Variants in PSEN1 observed in about 807,000 individuals in gnomAD.
PSEN1 encodes presenilin-1.
Under a neutral mutation model 53.5 loss-of-function variants are expected in PSEN1, and 15 were observed. The ratio of observed to expected loss-of-function variants is 0.28; its 90% CI spans 0.19 to 0.43. PSEN1 has a LOEUF of 0.43. Ranked by LOEUF, PSEN1 falls within the 20% of genes least tolerant of loss-of-function variation. PSEN1 has a pLI of 1.00. For synonymous variants in PSEN1, 208 were observed against 209.8 expected (o/e 0.99, Z 0.08); for missense variants, 387 against 571.2 (o/e 0.68, Z 3.29).
At chr14:73,160,995 A>G (rs963408717) in intron 3 of PSEN1, among the ~76,000 whole-genome samples, 15 of 142,574 alleles carry the variant, frequency 1.1e-4, no homozygotes, top group Admixed American at 2.8e-4. Context: ...TTTTCGATAC[A>G]AGGTTTTACT....
chr14:73,190,677 G>A (rs868830768), intron 6 of PSEN1, among the ~76,000 whole-genome samples: 29 of 152,024 alleles, frequency 1.9e-4, no homozygotes, highest in African/African-American at 6.5e-4. Context: ...CTTGAGCCTA[G>A]GAGTTCATAG....
chr14:73,219,282 A>G lies in PSEN1; in HGVS notation c.1397A>G (p.Tyr466Cys), dbSNP rs1566657960. 1.9e-6 allele frequency: 3 copies of G among 1,612,952 alleles called. No homozygotes were observed. The highest frequency in any genetic ancestry group is 1.7e-6 in the Non-Finnish European group (2 of 1,179,088). Residue 466 changes from tyrosine (Y) to cysteine (C), a missense_variant, in exon 12 of 12, where the codon TAT (tyrosine) becomes TGT (cysteine). Physicochemically the swap from Tyr to Cys is radical, Grantham distance 194. Transcript: ENST00000324501. ...GACCAATTAGCATTCCATCAATTTT[A>G]TATCTAGCATATTTGCGGTTAGAAT... Reference protein sequence around the residue: ...FMDQLAFHQFYI With the variant: ...FMDQLAFHQFCI
chr14:73,143,510 G>C (rs946457946), intron 1 of PSEN1, among the ~76,000 whole-genome samples: 2 of 152,080 alleles, frequency 1.3e-5, no homozygotes, highest in East Asian at 3.8e-4. Flanking sequence ...TTCCTCATGA[G>C]GTTTCTTTAA....
chr14:73,154,000 C>T (rs1376991618), intron 3 of PSEN1, among the ~76,000 whole-genome samples: 1 of 152,010 alleles, frequency 6.6e-6, no homozygotes, highest in African/African-American at 2.4e-5. Context: ...AGGCATGAAC[C>T]ACCGTGCCTG....
intron 11 of PSEN1, among the ~76,000 whole-genome samples, chr14:73,218,484 C>T (rs1429352224): frequency 3.3e-5 from 5 of 152,028 alleles, no homozygotes; most frequent in Admixed American, 6.6e-5. Flanking sequence ...CTAGTGTTTC[C>T]GTAACTAGGG....
At chr14:73,160,109 C>A in intron 3 of PSEN1, 2 of 201,014 alleles carry the variant, frequency 9.9e-6, no homozygotes, top group Admixed American at 5.2e-5. Context: ...TGGGTGTGAG[C>A]CATCATGCCC....
At position 73,182,853 on chromosome 14, in the gene PSEN1, A is replaced by G. The variant is rs558647571; in HGVS notation, c.481-4000A>G. On this transcript the variant is annotated intron_variant, in intron 5 of 11. Coordinates refer to ENST00000324501, the MANE Select transcript of PSEN1 (RefSeq NM_000021.4). ...GGCTTCATCTCCCAAAAATAAATAA[A>G]TAAAATTAAAAAAAGAAATAAATAA... Among the ~76,000 whole-genome samples the G allele has an allele frequency of 1.7e-3, 258 of 152,288 alleles. 2 individuals carry two copies. Among genetic ancestry groups the G allele is most frequent in the African/African-American group, 5.7e-3 (237 of 41,534 alleles).
chr14:73,141,508 A>G (rs1328674908), intron 1 of PSEN1, among the ~76,000 whole-genome samples: 1 of 152,232 alleles, frequency 6.6e-6, no homozygotes, highest in Non-Finnish European at 1.5e-5. Flanking sequence ...AATTTCAATT[A>G]TAGGCTGAGC....
chr14:73,139,049 C>T (rs1400983321), intron 1 of PSEN1, among the ~76,000 whole-genome samples: 2 of 151,962 alleles, frequency 1.3e-5, no homozygotes, highest in Non-Finnish European at 1.5e-5. Flanking sequence ...TTTGGGAGGC[C>T]GAGGCGGGTG....
intron 8 of PSEN1, among the ~76,000 whole-genome samples, chr14:73,204,417 A>G (rs926632632): frequency 6.6e-6 from 1 of 151,968 alleles, no homozygotes; most frequent in African/African-American, 2.4e-5. Flanking sequence ...CTATTTAACA[A>G]ATATACTATT....
At chr14:73,190,539 AG>A (rs1204210997) in intron 6 of PSEN1, among the ~76,000 whole-genome samples, 2 of 152,056 alleles carry the variant, frequency 1.3e-5, no homozygotes, top group Non-Finnish European at 2.9e-5. Flanking sequence ...CAAGTAGAAA[AG>A]TATATATATG....
chr14:73,202,701 T>C (rs1389350950), intron 8 of PSEN1, among the ~76,000 whole-genome samples: 1 of 151,200 alleles, frequency 6.6e-6, no homozygotes, highest in Non-Finnish European at 1.5e-5. Flanking sequence ...CTCGATCTCT[T>C]GACCTCGTAA....
intron 1 of PSEN1, among the ~76,000 whole-genome samples, chr14:73,144,883 A>G (rs1349140539): frequency 1.3e-5 from 2 of 152,024 alleles, no homozygotes; most frequent in African/African-American, 2.4e-5. Context: ...TTATTTATAT[A>G]CCATTTATTT....
intron 5 of PSEN1, among the ~76,000 whole-genome samples, chr14:73,176,427 G>A (rs1245773797): frequency 1.3e-5 from 2 of 152,120 alleles, no homozygotes; most frequent in African/African-American, 2.4e-5. Context: ...ATTGGAGGGT[G>A]GAATTCTACT....
intron 5 of PSEN1, chr14:73,173,915 T>A: frequency 1.5e-6 from 1 of 675,164 alleles, no homozygotes; most frequent in Non-Finnish European, 2.6e-6. Context: ...GCTCAGAGGC[T>A]GAGGCAGGAG....
At chr14:73,160,367 G>A (rs1897493511) in intron 3 of PSEN1, among the ~76,000 whole-genome samples, 1 of 152,218 alleles carries the variant, frequency 6.6e-6, no homozygotes, top group Non-Finnish European at 1.5e-5. Context: ...GCACATATCT[G>A]TTTGAGGTCT....
intron 1 of PSEN1, among the ~76,000 whole-genome samples, chr14:73,145,892 T>G (rs1897055820): frequency 6.6e-6 from 1 of 151,832 alleles, no homozygotes. Context: ...GGATCACTTG[T>G]GGTCAGGAGT....
At chr14:73,191,849 C>T (rs1196064625) in intron 6 of PSEN1, among the ~76,000 whole-genome samples, 1 of 152,066 alleles carries the variant, frequency 6.6e-6, no homozygotes, top group Non-Finnish European at 1.5e-5. Context: ...GCCTAGCCTG[C>T]ATATATCTAT....
At chr14:73,200,428 C>G (rs1403092430) in intron 8 of PSEN1, among the ~76,000 whole-genome samples, 1 of 152,068 alleles carries the variant, frequency 6.6e-6, no homozygotes, top group Non-Finnish European at 1.5e-5. Context: ...TGCCACCACG[C>G]CTGGCTGATT....
Sources: allele counts gnomAD v4.1 joint callset (sites outside exome capture counted in the v4.1 genomes callset), GRCh38; gene constraint gnomAD v4.1.1; transcripts MANE v1.5; gene names NCBI Gene and HGNC (gene_info 2026-07-23, HGNC 2026-07-21).